Variants in SYTL2 observed in about 807,000 individuals in gnomAD.
SYTL2 encodes the protein synaptotagmin like 2.
In SYTL2, 165 loss-of-function variants were observed where a neutral mutation model predicts 198.7. That is an observed-to-expected ratio of 0.83 (90% CI 0.73 to 0.94). The LOEUF (loss-of-function observed/expected upper bound fraction) is 0.94. Ranked by LOEUF, SYTL2 falls within the 40% of genes least tolerant of loss-of-function variation. The pLI, the probability that SYTL2 is intolerant of heterozygous loss-of-function variation, is 0.00. For synonymous variants in SYTL2, 966 were observed against 917.7 expected, an observed-to-expected ratio of 1.05 and a Z score of -0.95; for missense variants, 2,835 against 2,582.8, an observed-to-expected ratio of 1.10 and a Z score of -2.12.
At chr11:85,817,902 CTTT>C in the SYTL2 span, among the ~76,000 whole-genome samples, 2 of 109,908 alleles carry the variant, frequency 1.8e-5, no homozygotes, top group Non-Finnish European at 3.6e-5. Context: ...TGTGTCTTTT[CTTT>C]TTTTTTTTTT....
chr11:85,734,610 T>A lies in SYTL2; in HGVS notation c.719A>T (p.Lys240Met). Residue 240 changes from lysine to methionine, a missense_variant, in exon 7 of 20, where the codon AAG (lysine) becomes ATG (methionine). Physicochemically the swap from Lys to Met is moderately conservative, Grantham distance 95. Around this residue, in one of 3 missense-constraint regions of SYTL2, gnomAD observed 2,645 missense variants for 2,381.7 expected, o/e 1.11. Transcript: ENST00000359152. ...TAAATCAGTTGATTTGTAGATCATC[T>A]TCCTGGCTTTGGGGATTGGAGCCTT... ...QIKAPIPKARKMIYKSTDLNK... is the reference protein window; with the variant it reads ...QIKAPIPKARMMIYKSTDLNK... 1 of 1,614,216 alleles carries A rather than the reference T, an allele frequency of 6.2e-7. No individual in the cohort carries two copies. Among genetic ancestry groups the A allele is most frequent in the South Asian group, 1.1e-5 (1 of 91,086 alleles).
intron 2 of SYTL2, 108 bp downstream of exon 2, chr11:85,757,516 AG>A (rs1200560872): frequency 6.5e-6 from 8 of 1,221,480 alleles, no homozygotes; most frequent in Non-Finnish European, 8.0e-6. Flanking sequence ...CCATAAATTC[AG>A]TCTTCGAGTC....
At chr11:85,844,555 G>A in the SYTL2 span, among the ~76,000 whole-genome samples, 1 of 152,270 alleles carries the variant, frequency 6.6e-6, no homozygotes, top group South Asian at 2.1e-4. Context: ...ACTACTTCCT[G>A]GTGTGGAGGT....
chr11:85,706,671 C>T (rs766038062), intron 15 of SYTL2, among the ~76,000 whole-genome samples: 2 of 152,110 alleles, frequency 1.3e-5, no homozygotes, highest in African/African-American at 4.8e-5. Flanking sequence ...AAAGTTGAGG[C>T]TGGAGTTCAG....
chr11:85,754,076 T>A (rs2091714834), intron 2 of SYTL2, among the ~76,000 whole-genome samples: 1 of 152,224 alleles, frequency 6.6e-6, no homozygotes, highest in African/African-American at 2.4e-5. Flanking sequence ...AAATTGGCCT[T>A]TCTAATGATG....
At chr11:85,804,270 G>A (rs537646158) in intron 1 of SYTL2, among the ~76,000 whole-genome samples, 17 of 152,178 alleles carry the variant, frequency 1.1e-4, no homozygotes, top group African/African-American at 3.4e-4. Flanking sequence ...AAACACTATC[G>A]CAAGCTATGT....
At chr11:85,703,758 T>C (rs2084698343) in intron 16 of SYTL2, among the ~76,000 whole-genome samples, 1 of 152,120 alleles carries the variant, frequency 6.6e-6, no homozygotes, top group Non-Finnish European at 1.5e-5. Context: ...GACTTAAAAA[T>C]ATATACAATT....
At chr11:85,791,219 C>T (rs1196004193) in intron 1 of SYTL2, among the ~76,000 whole-genome samples, 1 of 140,452 alleles carries the variant, frequency 7.1e-6, no homozygotes, top group Non-Finnish European at 1.5e-5. Context: ...TATTCTGGCT[C>T]ACAGAAAATA....
intron 1 of SYTL2, among the ~76,000 whole-genome samples, chr11:85,763,952 C>T (rs999618874): frequency 4.6e-5 from 7 of 152,204 alleles, no homozygotes; most frequent in African/African-American, 1.4e-4. Context: ...TGCTCACCTC[C>T]CTCTCAGCAG....
At chr11:85,770,694 C>A (rs2092337550) in intron 1 of SYTL2, among the ~76,000 whole-genome samples, 1 of 152,156 alleles carries the variant, frequency 6.6e-6, no homozygotes, top group Admixed American at 6.5e-5. Context: ...ATGTCTTTAC[C>A]TTTTATCTGC....
At chr11:85,746,737 G>T (rs2091181735) in intron 3 of SYTL2, among the ~76,000 whole-genome samples, 1 of 152,162 alleles carries the variant, frequency 6.6e-6, no homozygotes, top group East Asian at 1.9e-4. Flanking sequence ...GTACCCTCAA[G>T]ATTTCTGAAG....
chr11:85,832,008 T>C, the SYTL2 span, among the ~76,000 whole-genome samples: 1 of 151,762 alleles, frequency 6.6e-6, no homozygotes, highest in Non-Finnish European at 1.5e-5. Flanking sequence ...GAATAATTCA[T>C]TAATTATTAT....
intron 15 of SYTL2, 65 bp downstream of exon 15, chr11:85,707,364 C>A: frequency 9.3e-7 from 1 of 1,080,768 alleles, no homozygotes; most frequent in South Asian, 1.3e-5. Flanking sequence ...AGAGCTACTA[C>A]CCAAAGAAGA....
the SYTL2 span, chr11:85,852,922 A>G: frequency 3.3e-6 from 1 of 300,816 alleles, no homozygotes; most frequent in Non-Finnish European, 6.5e-6. Context: ...CCCGTCTGGG[A>G]GGTGAGGAGC....
intron 4 of SYTL2, among the ~76,000 whole-genome samples, chr11:85,739,076 A>G (rs575068473): frequency 1.3e-5 from 2 of 152,274 alleles, no homozygotes; most frequent in South Asian, 2.1e-4. Context: ...CTCTGTGTAT[A>G]CATATCTTAC....
chr11:85,700,432 C>T lies in SYTL2; in HGVS notation c.6268+83G>A. The T allele has an allele frequency of 4.5e-6, 5 of 1,099,828 alleles. No individual in the cohort carries two copies. In the South Asian group the frequency reaches 5.3e-5, roughly 12 times the overall value. The allele number at this position is 1,099,828 out of a possible 1,614,324, so 68.1% of individuals were successfully genotyped here. A position where few individuals can be genotyped will look rare whatever the true frequency, so the allele number is the denominator to read the frequency against. On this transcript the variant is annotated intron_variant, in intron 17 of 19. Coordinates refer to ENST00000359152, the MANE Select transcript of SYTL2 (RefSeq NM_206927.4). ...AACTTGATAAGTTTCTTTAGGGCCTCACCTTTGAAAACGCATAGTAAATAC... is the reference window on the plus strand; with the variant it reads ...AACTTGATAAGTTTCTTTAGGGCCTTACCTTTGAAAACGCATAGTAAATAC...
chr11:85,832,958 T>C, the SYTL2 span, among the ~76,000 whole-genome samples: 1 of 147,264 alleles, frequency 6.8e-6, no homozygotes, highest in Admixed American at 7.0e-5. Context: ...ATTGCTCCAC[T>C]GCACTGTAGC....
At chr11:85,706,643 C>G (rs1333486565) in intron 15 of SYTL2, among the ~76,000 whole-genome samples, 1 of 152,104 alleles carries the variant, frequency 6.6e-6, no homozygotes, top group Non-Finnish European at 1.5e-5. Flanking sequence ...GTGACTGGAA[C>G]AAAGACTATG....
intron 7 of SYTL2, among the ~76,000 whole-genome samples, chr11:85,728,338 G>C (rs2089452907): frequency 6.6e-6 from 1 of 152,130 alleles, no homozygotes; most frequent in Non-Finnish European, 1.5e-5. Context: ...CTAGGCCAGA[G>C]TGCAGTGGCG....
Sources: gnomAD v4.1 joint callset for allele counts (sites outside exome capture counted in the v4.1 genomes callset) on GRCh38, gnomAD v4.1.1 for gene constraint, gnomAD v4.1.1 regional missense constraint, MANE v1.5 for transcripts, NCBI Gene and HGNC (gene_info 2026-07-23, HGNC 2026-07-21) for gene names.